Variants in RABEP1 observed in about 807,000 individuals in gnomAD.
RABEP1 encodes rab GTPase-binding effector protein 1.
RABEP1 carries 51 observed loss-of-function variants against 123.4 expected under a neutral mutation model. The ratio of observed to expected loss-of-function variants is 0.41; its 90% CI spans 0.33 to 0.52. The LOEUF is 0.52. Among genes scored for constraint, RABEP1 ranks in the 20% least tolerant of loss-of-function variants. The probability of loss-of-function intolerance (pLI) is 0.16; values close to 1 mark genes in which losing one functional copy is unlikely to be tolerated. For synonymous variants in RABEP1, 347 were observed against 355.2 expected, an observed-to-expected ratio of 0.98 and a Z score of 0.26; for missense variants, 888 against 996.3, an observed-to-expected ratio of 0.89 and a Z score of 1.46.
At chr17:5,381,713 C>A in intron 17 of RABEP1, 1 of 743,170 alleles carries the variant, frequency 1.3e-6, no homozygotes, top group Non-Finnish European at 1.9e-6. Flanking sequence ...GTATGCCTTG[C>A]CAATTTTGCC....
At chr17:5,318,685 C>T (rs935416059) in intron 2 of RABEP1, among the ~76,000 whole-genome samples, 3 of 152,130 alleles carry the variant, frequency 2.0e-5, no homozygotes, top group Non-Finnish European at 4.4e-5. Context: ...AAGATAGAAA[C>T]AGAGGGAATA....
chr17:5,334,618 C>T (rs967673708), intron 3 of RABEP1, among the ~76,000 whole-genome samples: 4 of 152,176 alleles, frequency 2.6e-5, no homozygotes, highest in Admixed American at 2.0e-4. Flanking sequence ...TGCCCGTCTG[C>T]CTCCCACAGT....
chr17:5,324,069 C>T (rs890461883), intron 2 of RABEP1, among the ~76,000 whole-genome samples: 3 of 151,698 alleles, frequency 2.0e-5, no homozygotes, highest in African/African-American at 7.3e-5. Flanking sequence ...TGACATTTTT[C>T]ACAGAAACAG....
chr17:5,375,414 GGGTATGGTGGCTGA>G (rs1910910747), intron 13 of RABEP1, among the ~76,000 whole-genome samples: 1 of 152,140 alleles, frequency 6.6e-6, no homozygotes, highest in Non-Finnish European at 1.5e-5. Context: ...ATCGGGGGCA[GGGTATGGTGGCTGA>G]GGCCTGCAAT....
chr17:5,368,559 T>A lies in RABEP1; in HGVS notation c.1884+91T>A, dbSNP rs1910277630. ...CATCATCTTTGATAGGAATTTATCATCCTGTCCAAAGTAGTTACTGTTGTC... is the reference window on the plus strand; with the variant it reads ...CATCATCTTTGATAGGAATTTATCAACCTGTCCAAAGTAGTTACTGTTGTC... On this transcript the variant is annotated intron_variant, in intron 12 of 17. Transcript: ENST00000537505. 9 of 930,366 alleles carry A rather than the reference T, an allele frequency of 9.7e-6. No individual in the cohort carries two copies. In the South Asian group the frequency reaches 1.3e-4, roughly 14 times the overall value. 57.6% of individuals were successfully genotyped at this position (930,366 alleles called of 1,614,324 possible). A position where few individuals can be genotyped will look rare whatever the true frequency, so the allele number is the denominator to read the frequency against.
At chr17:5,286,413 G>C (rs1022430129) in intron 1 of RABEP1, among the ~76,000 whole-genome samples, 1 of 152,156 alleles carries the variant, frequency 6.6e-6, no homozygotes, top group African/African-American at 2.4e-5. Context: ...AGAACCGCTT[G>C]AACCCGGGAG....
intron 1 of RABEP1, among the ~76,000 whole-genome samples, chr17:5,295,247 C>A (rs964558255): frequency 6.6e-6 from 1 of 151,604 alleles, no homozygotes; most frequent in Admixed American, 6.6e-5. Flanking sequence ...ATTAGCCAGG[C>A]GTGGTGGTGC....
chr17:5,346,996 A>G (rs1908118286), intron 6 of RABEP1, 71 bp downstream of exon 6: 2 of 1,220,820 alleles, frequency 1.6e-6, no homozygotes, highest in Non-Finnish European at 1.1e-6. Flanking sequence ...GACTAATAAC[A>G]GTGACAAATC....
chr17:5,367,443 T>TG (rs1555525159), intron 11 of RABEP1, among the ~76,000 whole-genome samples: 1 of 151,860 alleles, frequency 6.6e-6, no homozygotes, highest in Non-Finnish European at 1.5e-5. Context: ...GGCTAATTTT[T>TG]TATTTTTAGT....
intron 9 of RABEP1, 58 bp downstream of exon 9, chr17:5,361,733 C>A: frequency 7.0e-7 from 1 of 1,423,272 alleles, no homozygotes; most frequent in Non-Finnish European, 9.5e-7. Flanking sequence ...CTGGGAAGCT[C>A]TGGGATTTAG....
chr17:5,340,414 A>T (rs1034627930), intron 5 of RABEP1, among the ~76,000 whole-genome samples: 1 of 152,212 alleles, frequency 6.6e-6, no homozygotes, highest in Non-Finnish European at 1.5e-5. Context: ...TATGAGGAAC[A>T]TATAAATTAA....
At chr17:5,340,508 C>G (rs1907497812) in intron 5 of RABEP1, among the ~76,000 whole-genome samples, 1 of 151,678 alleles carries the variant, frequency 6.6e-6, no homozygotes, top group Non-Finnish European at 1.5e-5. Flanking sequence ...TTACACAGAC[C>G]CAATTCTGTA....
At chr17:5,350,744 GTGA>G in intron 7 of RABEP1, 115 bp downstream of exon 7, 2 of 1,136,110 alleles carry the variant, frequency 1.8e-6, no homozygotes, top group Non-Finnish European at 2.5e-6. Context: ...GGTGATAAAG[GTGA>G]TATGTGCCAC....
intron 5 of RABEP1, among the ~76,000 whole-genome samples, chr17:5,339,402 G>C (rs1000859449): frequency 6.6e-6 from 1 of 152,172 alleles, no homozygotes; most frequent in African/African-American, 2.4e-5. Flanking sequence ...CCGGCTACTT[G>C]AGAGGCTGAG....
rs544308536 is a variant in RABEP1 at position 5,384,228 on chromosome 17, C to T, written c.*1005C>T. 7.4e-5 allele frequency: 16 copies of T among 214,786 alleles called. No individual in the cohort carries two copies. Among genetic ancestry groups the T allele is most frequent in the African/African-American group, 3.2e-4 (14 of 44,422 alleles). 13.3% of individuals were successfully genotyped at this position (214,786 alleles called of 1,614,324 possible). A position where few individuals can be genotyped will look rare whatever the true frequency, so the allele number is the denominator to read the frequency against. ...GTAAGTGACAATGCTTATGGAAAGC[C>T]AGTTAGTTAGAATTGGAAATCTGTC... On this transcript the variant is annotated 3_prime_UTR_variant, in exon 18 of 18. Coordinates refer to ENST00000537505, the MANE Select transcript of RABEP1 (RefSeq NM_004703.6).
Position 5,343,902 on chromosome 17 carries a change from C to T in RABEP1, c.649-2888C>T, listed in dbSNP as rs1907843804. ...TGTTGGCCAGGCTGGTCTCGAACCC[C>T]TGACCTCATGTGATCCACTCACCTT... On this transcript the variant is annotated intron_variant, in intron 5 of 17. Transcript: ENST00000537505. Among the ~76,000 whole-genome samples the T allele has an allele frequency of 2.0e-5, 3 of 151,926 alleles. No individual in the cohort carries two copies. The South Asian group carries it at 6.2e-4, about 32-fold the overall frequency.
chr17:5,324,792 A>G (rs1457128481), intron 2 of RABEP1, among the ~76,000 whole-genome samples: 1 of 152,232 alleles, frequency 6.6e-6, no homozygotes, highest in South Asian at 2.1e-4. Context: ...GTATGTGAAA[A>G]GATGCTCAAC....
At chr17:5,366,377 G>A (rs371628067) in intron 11 of RABEP1, among the ~76,000 whole-genome samples, 1 of 152,066 alleles carries the variant, frequency 6.6e-6, no homozygotes, top group Non-Finnish European at 1.5e-5. Flanking sequence ...GATTTGTTAG[G>A]TGTCCTTTAT....
intron 8 of RABEP1, among the ~76,000 whole-genome samples, chr17:5,355,931 A>G (rs913577686): frequency 5.9e-5 from 9 of 152,220 alleles, no homozygotes; most frequent in South Asian, 2.1e-4. Context: ...GGTACAGCCA[A>G]TGATTACATA....
Sources: gnomAD v4.1 joint callset for allele counts (sites outside exome capture counted in the v4.1 genomes callset) on GRCh38, gnomAD v4.1.1 for gene constraint, MANE v1.5 for transcripts, NCBI Gene and HGNC (gene_info 2026-07-23, HGNC 2026-07-21) for gene names.